Variants in SMPDL3A observed in about 807,000 individuals in gnomAD.
The protein encoded by SMPDL3A is cyclic GMP-AMP phosphodiesterase SMPDL3A.
In SMPDL3A, 39 loss-of-function variants were observed where a neutral mutation model predicts 38.5. The ratio of observed to expected loss-of-function variants is 1.01; its 90% CI spans 0.78 to 1.32. The LOEUF (loss-of-function observed/expected upper bound fraction) is 1.32. SMPDL3A is among the 40% of genes most tolerant of loss of function. The pLI, the probability that SMPDL3A is intolerant of heterozygous loss-of-function variation, is 0.00. For synonymous variants in SMPDL3A, 180 were observed against 194.3 expected (o/e 0.93, Z 0.61); for missense variants, 502 against 536.2 (o/e 0.94, Z 0.63).
At chr6:122,799,764 A>G (rs1781365540) in intron 3 of SMPDL3A, among the ~76,000 whole-genome samples, 1 of 152,194 alleles carries the variant, frequency 6.6e-6, no homozygotes, top group Non-Finnish European at 1.5e-5. Flanking sequence ...TGTATCAAGA[A>G]CTACTAGGAC....
intron 5 of SMPDL3A, 103 bp from the exon 6 acceptor site, chr6:122,804,806 A>C: frequency 1.0e-6 from 1 of 960,690 alleles, no homozygotes; most frequent in Non-Finnish European, 1.6e-6. Context: ...TGCTTTCTAA[A>C]TTTTAATTAA....
intron 3 of SMPDL3A, among the ~76,000 whole-genome samples, chr6:122,798,304 G>A (rs1006583537): frequency 1.3e-5 from 2 of 152,168 alleles, no homozygotes; most frequent in African/African-American, 4.8e-5. Flanking sequence ...ACACAGTGAA[G>A]AGGCTTGGGA....
At position 122,805,068 on chromosome 6, in the gene SMPDL3A, A is replaced by T; in HGVS notation, c.898A>T (p.Met300Leu). 1 of 1,605,068 alleles carries T rather than the reference A, an allele frequency of 6.2e-7. No homozygotes were observed. Among genetic ancestry groups the T allele is most frequent in the Non-Finnish European group, 8.5e-7 (1 of 1,176,972 alleles). ...FYGHTHRDSI[M>L]VLSDKKGSPV... Reference sequence around the variant, plus strand: ...TGGACACACTCACAGAGACAGCATTATGGTTCTTTCAGATAAAAAAGGTAA... The same window carrying T: ...TGGACACACTCACAGAGACAGCATTTTGGTTCTTTCAGATAAAAAAGGTAA... The change falls in exon 6 of 8, where the codon ATG becomes TTG. Residue 300 changes from methionine (M) to leucine (L), a missense_variant. Met to Leu is a conservative substitution (Grantham distance 15, BLOSUM62 2). Transcript: ENST00000368440.
chr6:122,793,771 C>G (rs1781151873), intron 1 of SMPDL3A, among the ~76,000 whole-genome samples: 1 of 152,146 alleles, frequency 6.6e-6, no homozygotes, highest in Non-Finnish European at 1.5e-5. Context: ...CAAAAGATAA[C>G]TCACCCCTTT....
chr6:122,799,961 C>CTTTTTTTTT (rs112956534), intron 3 of SMPDL3A, among the ~76,000 whole-genome samples: 1 of 124,546 alleles, frequency 8.0e-6, no homozygotes, highest in Non-Finnish European at 1.7e-5. Flanking sequence ...TCAGTATTTA[C>CTTTTTTTTT]TTTTTTTTTT....
In SMPDL3A at chr6:122,804,857, G is replaced by T. The variant is rs143074282; in HGVS notation, c.739-52G>T. The T allele has an allele frequency of 8.1e-6, 12 of 1,483,638 alleles. No individual in the cohort carries two copies. The East Asian group carries it at 2.8e-4, about 34-fold the overall frequency. The allele number at this position is 1,483,638 out of a possible 1,614,324, so 91.9% of individuals were successfully genotyped here. A position where few individuals can be genotyped will look rare whatever the true frequency, so the allele number is the denominator to read the frequency against. Reference sequence around the variant, plus strand: ...GGGTATCCAAATGTCATTTAGTTATGATGAATGTGCAGAAAGATTCTCATG... The same window carrying T: ...GGGTATCCAAATGTCATTTAGTTATTATGAATGTGCAGAAAGATTCTCATG... On this transcript the variant is annotated intron_variant, in intron 5 of 7. Transcript: ENST00000368440.
chr6:122,805,128 G>A, intron 6 of SMPDL3A, 39 bp downstream of exon 6: 3 of 1,491,276 alleles, frequency 2.0e-6, no homozygotes, highest in Admixed American at 2.4e-5. Context: ...CAGTCTAAGA[G>A]TCTAGAGCAA....
At chr6:122,803,524 C>T in intron 4 of SMPDL3A, 140 bp from the exon 5 acceptor site, 1 of 628,414 alleles carries the variant, frequency 1.6e-6, no homozygotes, top group Non-Finnish European at 2.7e-6. Flanking sequence ...TATCTAATGA[C>T]AGCCTATCTA....
intron 1 of SMPDL3A, among the ~76,000 whole-genome samples, chr6:122,791,039 A>G (rs1253399237): frequency 6.6e-6 from 1 of 152,150 alleles, no homozygotes; most frequent in Non-Finnish European, 1.5e-5. Flanking sequence ...CAGTTTCACA[A>G]TTCTCCTTGT....
Position 122,789,258 on chromosome 6 carries a change from G to A in SMPDL3A, c.-89G>A. 5.5e-6 allele frequency: 5 copies of A among 905,886 alleles called. No individual in the cohort carries two copies. The highest frequency in any genetic ancestry group is 2.8e-5 in the East Asian group (1 of 36,028). The allele number at this position is 905,886 out of a possible 1,614,324, so 56.1% of individuals were successfully genotyped here. ...CAGTCGGACGTCTACACCCGCAGCCGTCTTCTGTCTCCGCCTCACCCTCAG... is the reference window on the plus strand; with the variant it reads ...CAGTCGGACGTCTACACCCGCAGCCATCTTCTGTCTCCGCCTCACCCTCAG... On this transcript the variant is annotated 5_prime_UTR_variant, in exon 1 of 8. Transcript: ENST00000368440.
chr6:122,807,534 G>A (rs1781674294), intron 7 of SMPDL3A, among the ~76,000 whole-genome samples: 2 of 152,118 alleles, frequency 1.3e-5, no homozygotes, highest in South Asian at 2.1e-4. Flanking sequence ...AAATTGAATT[G>A]GATATTTGGG....
chr6:122,799,868 AG>A (rs1376699407), intron 3 of SMPDL3A, among the ~76,000 whole-genome samples: 1 of 152,138 alleles, frequency 6.6e-6, no homozygotes, highest in Non-Finnish European at 1.5e-5. Context: ...AGAGTGAAGA[AG>A]GGGTTTCAGT....
chr6:122,794,109 A>G (rs899198767), intron 1 of SMPDL3A, among the ~76,000 whole-genome samples: 2 of 152,352 alleles, frequency 1.3e-5, no homozygotes, highest in African/African-American at 4.8e-5. Flanking sequence ...GTATACTTTA[A>G]CAAATTTTCT....
intron 7 of SMPDL3A, 48 bp downstream of exon 7, chr6:122,806,405 G>C (rs1314803737): frequency 6.5e-7 from 1 of 1,546,344 alleles, no homozygotes. Context: ...GCATATCTTT[G>C]CAGTTTTCAT....
chr6:122,797,072 A>G (rs1781273480), intron 3 of SMPDL3A, 104 bp downstream of exon 3: 1 of 890,376 alleles, frequency 1.1e-6, no homozygotes, highest in Non-Finnish European at 1.8e-6. Context: ...AATGGGTCTT[A>G]TAGAGGGAGA....
chr6:122,804,387 T>G (rs1245509448), intron 5 of SMPDL3A, among the ~76,000 whole-genome samples: 1 of 152,078 alleles, frequency 6.6e-6, no homozygotes, highest in Non-Finnish European at 1.5e-5. Flanking sequence ...CACTGCAGCT[T>G]CAGCCTCCTG....
At position 122,796,825 on chromosome 6, in the gene SMPDL3A, G is replaced by T. The variant is rs925881328; in HGVS notation, c.328G>T (p.Asp110Tyr). 1 of 1,606,832 alleles carries T rather than the reference G, an allele frequency of 6.2e-7. No individual in the cohort carries two copies. Reference protein sequence around the residue: ...QEASFMIWTGDSPPHVPVPEL... With the variant: ...QEASFMIWTGYSPPHVPVPEL... Reference sequence around the variant, plus strand: ...TTTACAATCTCTCTCTTTTTTCAGGGATAGCCCACCTCATGTTCCTGTACC... The same window carrying T: ...TTTACAATCTCTCTCTTTTTTCAGGTATAGCCCACCTCATGTTCCTGTACC... The change falls in exon 3 of 8, where the codon GAT becomes TAT. Residue 110 changes from aspartate to tyrosine, a missense_variant and splice_region_variant. Transcript: ENST00000368440.
intron 7 of SMPDL3A, among the ~76,000 whole-genome samples, chr6:122,807,177 A>C (rs1414533080): frequency 6.6e-6 from 1 of 152,040 alleles, no homozygotes; most frequent in African/African-American, 2.4e-5. Context: ...CTGGTATTAC[A>C]GATGTGAGCC....
intron 1 of SMPDL3A, chr6:122,789,801 G>A (rs1781009762): frequency 5.1e-6 from 5 of 983,118 alleles, no homozygotes; most frequent in South Asian, 9.4e-5. Context: ...AGGAAAAGCT[G>A]CGGGACTCAA....
Sources: allele counts gnomAD v4.1 joint callset (sites outside exome capture counted in the v4.1 genomes callset), GRCh38; gene constraint gnomAD v4.1.1; transcripts MANE v1.5; gene names NCBI Gene and HGNC (gene_info 2026-07-23, HGNC 2026-07-21).